Variants in MEF2C observed in about 807,000 individuals in gnomAD.
MEF2C encodes myocyte-specific enhancer factor 2C.
In MEF2C, 6 loss-of-function variants were observed where a neutral mutation model predicts 50.5. The observed-to-expected ratio is 0.12, with a 90% confidence interval of 0.07 to 0.23. The LOEUF (loss-of-function observed/expected upper bound fraction) is 0.23. Ranked by LOEUF, MEF2C falls within the 10% of genes least tolerant of loss-of-function variation. MEF2C has a pLI of 1.00. For synonymous variants in MEF2C, 183 were observed against 228.0 expected (o/e 0.80, Z 1.78); for missense variants, 276 against 605.0 (o/e 0.46, Z 5.70).
At chr5:88,797,934 G>T (rs1247341921) in intron 3 of MEF2C, among the ~76,000 whole-genome samples, 1 of 152,152 alleles carries the variant, frequency 6.6e-6, no homozygotes, top group Non-Finnish European at 1.5e-5. Flanking sequence ...GAAATTCTGG[G>T]TTGAAAATTC....
chr5:88,775,368 G>A (rs567571719), intron 3 of MEF2C, among the ~76,000 whole-genome samples: 1 of 152,202 alleles, frequency 6.6e-6, no homozygotes, highest in African/African-American at 2.4e-5. Context: ...TGCTCGGAGA[G>A]GACACGAGTC....
At chr5:88,800,858 T>A (rs548883592) in intron 3 of MEF2C, among the ~76,000 whole-genome samples, 1 of 152,324 alleles carries the variant, frequency 6.6e-6, no homozygotes, top group East Asian at 1.9e-4. Context: ...ATTTACTAAA[T>A]CTGGCATATT....
chr5:88,781,355 A>G (rs1486837833), intron 3 of MEF2C, among the ~76,000 whole-genome samples: 1 of 152,242 alleles, frequency 6.6e-6, no homozygotes, highest in African/African-American at 2.4e-5. Flanking sequence ...TATGAGCATC[A>G]TGTGCTAATG....
At chr5:88,760,063 A>C (rs1201702383) in intron 4 of MEF2C, among the ~76,000 whole-genome samples, 1 of 152,260 alleles carries the variant, frequency 6.6e-6, no homozygotes, top group African/African-American at 2.4e-5. Flanking sequence ...TTTCAAAAGG[A>C]ACTGATTGCC....
intron 1 of MEF2C, among the ~76,000 whole-genome samples, chr5:88,857,210 T>G (rs1021683024): frequency 2.8e-4 from 42 of 152,250 alleles, no homozygotes; most frequent in African/African-American, 9.6e-4. Flanking sequence ...TACTGGATTT[T>G]GGGCTTGCTT....
At position 88,743,663 on chromosome 5, in the gene MEF2C, G is replaced by A. The variant is rs528727229; in HGVS notation, c.637+5407C>T. ...CAAAGGTGCTGAGTCATGACCTAAG[G>A]TCTTGCTAGATGGAGTCTTTCCAGA... On this transcript the variant is annotated intron_variant, in intron 6 of 10. Coordinates refer to ENST00000504921, the MANE Select transcript of MEF2C (RefSeq NM_002397.5). 8 of 985,308 alleles carry A rather than the reference G, an allele frequency of 8.1e-6. No individual in the cohort carries two copies. The African/African-American group carries it at 1.0e-4, about 13-fold the overall frequency. The allele number at this position is 985,308 out of a possible 1,614,324, so 61.0% of individuals were successfully genotyped here.
intron 1 of MEF2C, among the ~76,000 whole-genome samples, chr5:88,835,265 C>A (rs1010709174): frequency 3.3e-5 from 5 of 152,330 alleles, no homozygotes; most frequent in Non-Finnish European, 7.4e-5. Flanking sequence ...ACTAATGTAA[C>A]TTGTCAGTGG....
chr5:88,726,249 C>T (rs146550593), intron 10 of MEF2C, among the ~76,000 whole-genome samples: 16 of 152,236 alleles, frequency 1.1e-4, no homozygotes, highest in African/African-American at 3.6e-4. Flanking sequence ...CTGCTATGAA[C>T]ATTGTCTCTA....
intron 1 of MEF2C, among the ~76,000 whole-genome samples, chr5:88,836,451 C>A (rs1815134354): frequency 6.6e-6 from 1 of 152,138 alleles, no homozygotes; most frequent in Non-Finnish European, 1.5e-5. Context: ...GCATTCCCCA[C>A]TCCAGTTTTT....
At chr5:88,858,156 A>C (rs1824146960) in intron 1 of MEF2C, among the ~76,000 whole-genome samples, 1 of 152,170 alleles carries the variant, frequency 6.6e-6, no homozygotes, top group South Asian at 2.1e-4. Context: ...AATCAACTCA[A>C]TGCATACATC....
At chr5:88,896,944 T>TACATAC (rs1835175750) in intron 1 of MEF2C, among the ~76,000 whole-genome samples, 1 of 150,492 alleles carries the variant, frequency 6.6e-6, no homozygotes, top group Non-Finnish European at 1.5e-5. Context: ...TCAGTAAAGC[T>TACATAC]ACACACACAC....
At chr5:88,771,004 G>A (rs1008711397) in intron 3 of MEF2C, among the ~76,000 whole-genome samples, 1 of 152,262 alleles carries the variant, frequency 6.6e-6, no homozygotes, top group African/African-American at 2.4e-5. Context: ...AATCATGGCA[G>A]AAGGCAGAGG....
At chr5:88,780,382 C>T (rs566359817) in intron 3 of MEF2C, among the ~76,000 whole-genome samples, 1 of 152,182 alleles carries the variant, frequency 6.6e-6, no homozygotes, top group Admixed American at 6.5e-5. Context: ...GATGGCCATC[C>T]CTCCCCAAAT....
At chr5:88,738,536 A>G (rs1765090185) in intron 6 of MEF2C, 1 of 900,854 alleles carries the variant, frequency 1.1e-6, no homozygotes, top group Non-Finnish European at 1.3e-6. Context: ...ACAGCTATCA[A>G]CTGGTGAAGC....
At chr5:88,839,351 C>CTCTCTCTCTCTCTCTCTCTATCTA (rs10694803) in intron 1 of MEF2C, 37 of 146,390 alleles carry the variant, frequency 2.5e-4, no homozygotes, top group African/African-American at 9.6e-4. Context: ...CTCTCTCTCT[C>CTCTCTCTCTCTCTCTCTCTATCTA]TCTATCTATC....
At chr5:88,856,253 C>T (rs899617217) in intron 1 of MEF2C, among the ~76,000 whole-genome samples, 1 of 152,168 alleles carries the variant, frequency 6.6e-6, no homozygotes, top group African/African-American at 2.4e-5. Context: ...AGTTTCTAAG[C>T]AGCAAAGTGT....
chr5:88,875,679 A>T (rs546689417), intron 1 of MEF2C, among the ~76,000 whole-genome samples: 444 of 152,134 alleles, frequency 2.9e-3, no homozygotes, highest in African/African-American at 1.0e-2. Flanking sequence ...TAAGAGGCAG[A>T]ATTTTCAAGT....
At chr5:88,796,063 G>T (rs1795906615) in intron 3 of MEF2C, among the ~76,000 whole-genome samples, 1 of 152,082 alleles carries the variant, frequency 6.6e-6, no homozygotes, top group South Asian at 2.1e-4. Context: ...GAGGATTTTT[G>T]CATCGATGTT....
At chr5:88,818,829 G>C (rs1054177915) in intron 2 of MEF2C, among the ~76,000 whole-genome samples, 1 of 151,908 alleles carries the variant, frequency 6.6e-6, no homozygotes, top group Non-Finnish European at 1.5e-5. Flanking sequence ...GAAGGTTTAG[G>C]TAACATTCTT....
Sources: gnomAD v4.1 joint callset for allele counts (sites outside exome capture counted in the v4.1 genomes callset) on GRCh38, gnomAD v4.1.1 for gene constraint, MANE v1.5 for transcripts, NCBI Gene and HGNC (gene_info 2026-07-23, HGNC 2026-07-21) for gene names.